Variants in DOK6 observed in about 807,000 individuals in gnomAD.
DOK6 encodes docking protein 6, also known as downstream of tyrosine kinase 6.
In DOK6, 22 loss-of-function variants were observed where a neutral mutation model predicts 44.0. The ratio of observed to expected loss-of-function variants is 0.50; its 90% confidence interval spans 0.36 to 0.71. The LOEUF (loss-of-function observed/expected upper bound fraction) is 0.71. Among genes scored for constraint, DOK6 ranks in the 30% least tolerant of loss-of-function variants. DOK6 has a pLI of 0.00. For synonymous variants in DOK6, 166 were observed against 145.5 expected (o/e 1.14, Z -1.01); for missense variants, 340 against 416.4 (o/e 0.82, Z 1.60).
intron 3 of DOK6, among the ~76,000 whole-genome samples, chr18:69,676,223 CTAT>C (rs1258319224): frequency 1.4e-4 from 22 of 152,306 alleles, no homozygotes; most frequent in Non-Finnish European, 2.4e-4. Context: ...AACATTGGAA[CTAT>C]TATTTTTATT....
At chr18:69,825,445 T>C (rs1244053657) in intron 7 of DOK6, among the ~76,000 whole-genome samples, 15 of 140,368 alleles carry the variant, frequency 1.1e-4, no homozygotes, top group Non-Finnish European at 3.1e-5. Flanking sequence ...TTTTTTTTTT[T>C]TTTTTTTTGA....
chr18:69,726,358 A>G (rs1234300057), intron 5 of DOK6, among the ~76,000 whole-genome samples: 1 of 150,180 alleles, frequency 6.7e-6, no homozygotes, highest in Non-Finnish European at 1.5e-5. Context: ...TTGTTCTTTA[A>G]TCTTTTGTTT....
At chr18:69,568,108 C>A (rs1233038873) in intron 2 of DOK6, among the ~76,000 whole-genome samples, 3 of 152,196 alleles carry the variant, frequency 2.0e-5, no homozygotes, top group Non-Finnish European at 4.4e-5. Context: ...ACAAGCCCAA[C>A]CTGTGCCCTG....
At chr18:69,800,049 A>G (rs1191671391) in intron 7 of DOK6, among the ~76,000 whole-genome samples, 1 of 151,306 alleles carries the variant, frequency 6.6e-6, no homozygotes, top group East Asian at 2.0e-4. Flanking sequence ...TTATGGAGTT[A>G]TTTTTACTAT....
intron 1 of DOK6, among the ~76,000 whole-genome samples, chr18:69,421,011 T>C (rs1978477519): frequency 6.6e-6 from 1 of 152,188 alleles, no homozygotes; most frequent in Non-Finnish European, 1.5e-5. Flanking sequence ...GATCTCTTGA[T>C]CACTTTCCCT....
intron 1 of DOK6, among the ~76,000 whole-genome samples, chr18:69,482,464 G>C (rs985508992): frequency 6.6e-6 from 1 of 151,898 alleles, no homozygotes; most frequent in African/African-American, 2.4e-5. Flanking sequence ...TTTGGGGAAA[G>C]AATTGAAGAA....
At chr18:69,755,102 T>C (rs1473648664) in intron 6 of DOK6, among the ~76,000 whole-genome samples, 1 of 152,048 alleles carries the variant, frequency 6.6e-6, no homozygotes, top group African/African-American at 2.4e-5. Flanking sequence ...CCTAAAGAAA[T>C]AGAATATCAT....
At chr18:69,566,643 G>A (rs1982990992) in intron 2 of DOK6, among the ~76,000 whole-genome samples, 1 of 152,210 alleles carries the variant, frequency 6.6e-6, no homozygotes, top group African/African-American at 2.4e-5. Flanking sequence ...ATTCAAAGAT[G>A]TGTGAGACAC....
chr18:69,460,743 C>T (rs886516903), intron 1 of DOK6, among the ~76,000 whole-genome samples: 2 of 152,156 alleles, frequency 1.3e-5, no homozygotes, highest in Non-Finnish European at 2.9e-5. Flanking sequence ...CTCATAAAGA[C>T]GTGTTAAAAT....
chr18:69,425,403 T>G (rs1254979434), intron 1 of DOK6, among the ~76,000 whole-genome samples: 1 of 152,036 alleles, frequency 6.6e-6, no homozygotes, highest in Non-Finnish European at 1.5e-5. Context: ...CTCCTCCCCC[T>G]TTCAATTATT....
At chr18:69,786,833 C>T (rs1212841262) in intron 7 of DOK6, among the ~76,000 whole-genome samples, 2 of 152,222 alleles carry the variant, frequency 1.3e-5, no homozygotes, top group Non-Finnish European at 2.9e-5. Context: ...TGTTGAACCA[C>T]GTGATTCCTA....
chr18:69,421,536 A>G (rs1387432840), intron 1 of DOK6, among the ~76,000 whole-genome samples: 1 of 152,224 alleles, frequency 6.6e-6, no homozygotes, highest in East Asian at 1.9e-4. Flanking sequence ...TGCCAGGTGC[A>G]TGGTAAGCCC....
At chr18:69,716,692 CAAAAAAAA>C (rs11351701) in intron 5 of DOK6, among the ~76,000 whole-genome samples, 2 of 104,748 alleles carry the variant, frequency 1.9e-5, no homozygotes, top group Non-Finnish European at 1.9e-5. Context: ...GCAGAATTGA[CAAAAAAAA>C]AAAAAAAAAA....
chr18:69,549,784 T>C (rs1254719393), intron 1 of DOK6, among the ~76,000 whole-genome samples: 6 of 151,414 alleles, frequency 4.0e-5, no homozygotes, highest in African/African-American at 1.5e-4. Context: ...GCACTTATAG[T>C]CTGTAGAGCT....
In DOK6 at chr18:69,712,142, G is replaced by A. The variant is rs530931600; in HGVS notation, c.599+13549G>A. On this transcript the variant is annotated intron_variant, in intron 5 of 7. Coordinates refer to ENST00000382713, the MANE Select transcript of DOK6 (RefSeq NM_152721.6). ...TAAAAATACAAAAAATTAGCCGGGCGTAGTGGCGGGCGCCTGTAGTCCCAG... is the reference window on the plus strand; with the variant it reads ...TAAAAATACAAAAAATTAGCCGGGCATAGTGGCGGGCGCCTGTAGTCCCAG... Among the ~76,000 whole-genome samples the A allele has an allele frequency of 4.9e-4, 73 of 148,508 alleles. No individual in the cohort carries two copies. The South Asian group carries it at 0.013, about 26-fold the overall frequency.
chr18:69,710,842 T>C (rs1402008487), intron 5 of DOK6, among the ~76,000 whole-genome samples: 1 of 152,226 alleles, frequency 6.6e-6, no homozygotes, highest in Non-Finnish European at 1.5e-5. Context: ...AAGAGTTGAC[T>C]TAGATGAAAT....
At chr18:69,622,985 C>T (rs921958579) in intron 3 of DOK6, among the ~76,000 whole-genome samples, 5 of 152,078 alleles carry the variant, frequency 3.3e-5, no homozygotes, top group African/African-American at 1.2e-4. Flanking sequence ...GGCTCTGGGT[C>T]CCCACCCAAA....
intron 3 of DOK6, among the ~76,000 whole-genome samples, chr18:69,643,307 A>G (rs964588302): frequency 2.0e-5 from 3 of 152,132 alleles, no homozygotes; most frequent in Non-Finnish European, 4.4e-5. Flanking sequence ...GTGTGTGTGT[A>G]TGTTCTATAC....
intron 1 of DOK6, among the ~76,000 whole-genome samples, chr18:69,440,740 T>C (rs1313782175): frequency 1.8e-5 from 2 of 112,150 alleles, no homozygotes; most frequent in Non-Finnish European, 3.7e-5. Flanking sequence ...TTTTGTTCTT[T>C]TATACACACA....
Sources: gnomAD v4.1 joint callset for allele counts (sites outside exome capture counted in the v4.1 genomes callset) on GRCh38, gnomAD v4.1.1 for gene constraint, MANE v1.5 for transcripts, NCBI Gene and HGNC (gene_info 2026-07-23, HGNC 2026-07-21) for gene names.